The following VSTM2B variants were observed in gnomAD, a reference collection of about 807,000 sequenced individuals.
The protein encoded by VSTM2B is V-set and transmembrane domain-containing protein 2B.
A neutral mutation model predicts 24.0 loss-of-function variants in VSTM2B; 24 were observed. The observed-to-expected ratio is 1.00, with a 90% CI of 0.72 to 1.40. VSTM2B has a LOEUF of 1.40. VSTM2B is among the 40% of genes most tolerant of loss of function. VSTM2B has a pLI of 0.00. For synonymous variants in VSTM2B, 226 were observed against 194.4 expected, an observed-to-expected ratio of 1.16 and a Z score of -1.35; for missense variants, 399 against 416.4, an observed-to-expected ratio of 0.96 and a Z score of 0.36.
intron 4 of VSTM2B, among the ~76,000 whole-genome samples, chr19:29,559,903 C>G (rs1568448616): frequency 6.6e-6 from 1 of 152,070 alleles, no homozygotes; most frequent in African/African-American, 2.4e-5. Flanking sequence ...GCTCAGGATT[C>G]TGTGGCTCAG....
At chr19:29,543,608 G>T (rs927307398) in intron 4 of VSTM2B, among the ~76,000 whole-genome samples, 2 of 152,202 alleles carry the variant, frequency 1.3e-5, no homozygotes, top group Non-Finnish European at 2.9e-5. Flanking sequence ...GCAGGACAAG[G>T]AGCTGAAGCC....
intron 4 of VSTM2B, among the ~76,000 whole-genome samples, chr19:29,539,367 G>T (rs965968431): frequency 6.6e-6 from 1 of 152,130 alleles, no homozygotes; most frequent in Non-Finnish European, 1.5e-5. Flanking sequence ...GCTCAGAGGA[G>T]AGGCTGGTGT....
chr19:29,547,570 G>A (rs1970182689), intron 4 of VSTM2B, among the ~76,000 whole-genome samples: 1 of 152,182 alleles, frequency 6.6e-6, no homozygotes, highest in Non-Finnish European at 1.5e-5. Flanking sequence ...GCTGCTTGCT[G>A]GGGGCTGAGG....
chr19:29,530,289 G>C lies in VSTM2B; in HGVS notation c.768G>C (p.Ser256=). 1.3e-6 allele frequency: 2 copies of C among 1,497,968 alleles called. No homozygotes were observed. Among genetic ancestry groups the C allele is most frequent in the Non-Finnish European group, 1.8e-6 (2 of 1,131,424 alleles). The allele number at this position is 1,497,968 out of a possible 1,614,324, so 92.8% of individuals were successfully genotyped here. The change falls in exon 4 of 5, where the codon TCG becomes TCC. Residue 256 remains serine, a splice_region_variant and synonymous_variant. Transcript: ENST00000335523. ...QAVLLRQRHG[S]GTGRSYTTDP... ...TCCTGCTGCGCCAGAGGCACGGCTCGGGTAAGGGATCGCGGAGAGGGGGCG... is the reference window on the plus strand; with the variant it reads ...TCCTGCTGCGCCAGAGGCACGGCTCCGGTAAGGGATCGCGGAGAGGGGGCG...
At chr19:29,539,112 G>A (rs1969966720) in intron 4 of VSTM2B, among the ~76,000 whole-genome samples, 1 of 152,082 alleles carries the variant, frequency 6.6e-6, no homozygotes, top group Admixed American at 6.5e-5. Context: ...GTCTGGTTGG[G>A]GCTGTTTGCC....
At chr19:29,556,074 CT>C (rs1386746940) in intron 4 of VSTM2B, among the ~76,000 whole-genome samples, 1 of 150,280 alleles carries the variant, frequency 6.7e-6, no homozygotes, top group Non-Finnish European at 1.5e-5. Context: ...CAGCATCATC[CT>C]GATACCAAAA....
chr19:29,562,733 C>T (rs1416174970), intron 4 of VSTM2B, among the ~76,000 whole-genome samples: 1 of 152,122 alleles, frequency 6.6e-6, no homozygotes, highest in Admixed American at 6.5e-5. Flanking sequence ...GGTGAGAAGC[C>T]CAGGGTTTAT....
chr19:29,534,716 CAA>C (rs11425011), intron 4 of VSTM2B, among the ~76,000 whole-genome samples: 7 of 140,320 alleles, frequency 5.0e-5, no homozygotes, highest in South Asian at 2.3e-4. Context: ...AACTCTGTCT[CAA>C]AAAAAAAAAA....
At chr19:29,553,175 A>G (rs761648618) in intron 4 of VSTM2B, among the ~76,000 whole-genome samples, 6 of 142,900 alleles carry the variant, frequency 4.2e-5, no homozygotes, top group Non-Finnish European at 6.0e-5. Flanking sequence ...AACAGGGGTC[A>G]CCATACAGGA....
chr19:29,541,543 G>GGTCCA (rs1970017553), intron 4 of VSTM2B, among the ~76,000 whole-genome samples: 1 of 152,038 alleles, frequency 6.6e-6, no homozygotes, highest in South Asian at 2.1e-4. Flanking sequence ...AGAATTAATA[G>GGTCCA]ATGGGTGGAA....
At chr19:29,538,493 G>T (rs559282340) in intron 4 of VSTM2B, among the ~76,000 whole-genome samples, 2 of 152,146 alleles carry the variant, frequency 1.3e-5, no homozygotes, top group Non-Finnish European at 1.5e-5. Flanking sequence ...TCATGAGACC[G>T]CCCTCCCTCC....
In VSTM2B at chr19:29,530,114, GCGA is replaced by G; in HGVS notation, c.595_597del (p.Asp199del). ...CGTACCACCTCCGAGCCCGGCCGCG[GCGA>G]CAAGAGCCCGCCGCCCGGGAGCCCT... is the stretch of plus-strand genomic sequence containing the variant. On this transcript the variant is annotated inframe_deletion, in exon 4 of 5. Transcript: ENST00000335523. 1 of 1,445,054 alleles carries G rather than the reference GCGA, an allele frequency of 6.9e-7. No individual in the cohort carries two copies. The allele number at this position is 1,445,054 out of a possible 1,614,324, so 89.5% of individuals were successfully genotyped here.
At chr19:29,558,827 C>A (rs998630405) in intron 4 of VSTM2B, among the ~76,000 whole-genome samples, 6 of 152,138 alleles carry the variant, frequency 3.9e-5, no homozygotes. Flanking sequence ...ACCTATGTAA[C>A]AAACCTGCAC....
intron 4 of VSTM2B, among the ~76,000 whole-genome samples, chr19:29,547,974 G>A (rs994502970): frequency 6.6e-5 from 10 of 152,130 alleles, no homozygotes; most frequent in African/African-American, 2.4e-4. Flanking sequence ...AGTCATCAAA[G>A]GTTCTGTTTC....
At chr19:29,555,169 C>G (rs1970378403) in intron 4 of VSTM2B, among the ~76,000 whole-genome samples, 1 of 152,204 alleles carries the variant, frequency 6.6e-6, no homozygotes, top group African/African-American at 2.4e-5. Flanking sequence ...AAGTAAAACA[C>G]TCCTCAGCAA....
chr19:29,531,033 A>C (rs943293530), intron 4 of VSTM2B, among the ~76,000 whole-genome samples: 8 of 147,516 alleles, frequency 5.4e-5, no homozygotes, highest in Admixed American at 6.8e-5. Context: ...CAGAAGGAGG[A>C]GAAAATGATG....
chr19:29,536,326 A>T (rs1969889105), intron 4 of VSTM2B, among the ~76,000 whole-genome samples: 1 of 152,216 alleles, frequency 6.6e-6, no homozygotes, highest in African/African-American at 2.4e-5. Flanking sequence ...TGTGACTTAC[A>T]GCTTGAAAGA....
intron 4 of VSTM2B, among the ~76,000 whole-genome samples, chr19:29,560,564 T>C (rs1970501346): frequency 6.6e-6 from 1 of 152,020 alleles, no homozygotes; most frequent in Non-Finnish European, 1.5e-5. Context: ...TGTACAGACA[T>C]CCAGCAACAG....
intron 4 of VSTM2B, among the ~76,000 whole-genome samples, chr19:29,546,046 T>G (rs1599893143): frequency 6.8e-6 from 1 of 147,762 alleles, no homozygotes; most frequent in African/African-American, 2.5e-5. Context: ...CAGGGCAGGG[T>G]GGGTGTGGGG....
Sources: gnomAD v4.1 joint callset for allele counts (sites outside exome capture counted in the v4.1 genomes callset) on GRCh38, gnomAD v4.1.1 for gene constraint, MANE v1.5 for transcripts, NCBI Gene and HGNC (gene_info 2026-07-23, HGNC 2026-07-21) for gene names.